Variants in SPAG16 observed in about 807,000 individuals in gnomAD.
SPAG16 encodes the protein sperm associated antigen 16.
Under a neutral mutation model 80.4 loss-of-function variants are expected in SPAG16, and 86 were observed. The observed-to-expected ratio is 1.07, with a 90% CI of 0.90 to 1.28. The LOEUF (loss-of-function observed/expected upper bound fraction) is 1.28. SPAG16 is among the 50% of genes most tolerant of loss of function. The pLI, the probability that SPAG16 is intolerant of heterozygous loss-of-function variation, is 0.00. For synonymous variants in SPAG16, 294 were observed against 265.9 expected (o/e 1.11, Z -1.03); for missense variants, 870 against 765.3 (o/e 1.14, Z -1.61).
intron 6 of SPAG16, 140 bp downstream of exon 6, chr2:213,340,410 C>G (rs1197824210): frequency 1.6e-6 from 1 of 638,118 alleles, no homozygotes; most frequent in African/African-American, 1.9e-5. Flanking sequence ...CCCTTGCTGT[C>G]AAGGGTCTCA....
intron 15 of SPAG16, among the ~76,000 whole-genome samples, chr2:214,252,251 A>T (rs1237975972): frequency 6.6e-6 from 1 of 151,890 alleles, no homozygotes; most frequent in Non-Finnish European, 1.5e-5. Context: ...TGAAATAGAA[A>T]TATTCCTTTT....
intron 7 of SPAG16, among the ~76,000 whole-genome samples, chr2:213,358,121 G>C (rs1440071320): frequency 2.0e-5 from 3 of 152,180 alleles, no homozygotes; most frequent in Non-Finnish European, 4.4e-5. Flanking sequence ...TCTGCCGAGA[G>C]ATCTGCTGTT....
At chr2:213,924,968 T>C (rs561058141) in intron 11 of SPAG16, among the ~76,000 whole-genome samples, 1 of 152,248 alleles carries the variant, frequency 6.6e-6, no homozygotes, top group South Asian at 2.1e-4. Flanking sequence ...TCTTACCCAT[T>C]TCTTTTTTTC....
At chr2:214,032,791 G>A (rs2048481369) in intron 13 of SPAG16, among the ~76,000 whole-genome samples, 1 of 152,214 alleles carries the variant, frequency 6.6e-6, no homozygotes, top group African/African-American at 2.4e-5. Context: ...CATACCAAGT[G>A]TTTCTGGCTT....
At chr2:214,103,406 G>A (rs1314185749) in intron 13 of SPAG16, among the ~76,000 whole-genome samples, 1 of 152,160 alleles carries the variant, frequency 6.6e-6, no homozygotes, top group Non-Finnish European at 1.5e-5. Flanking sequence ...CTGACCTCTA[G>A]TCTGGCTGTG....
intron 15 of SPAG16, among the ~76,000 whole-genome samples, chr2:214,315,315 T>C (rs1381705398): frequency 6.6e-6 from 1 of 152,168 alleles, no homozygotes; most frequent in Non-Finnish European, 1.5e-5. Context: ...TGTATTTAAC[T>C]GATTTAAATA....
At chr2:213,939,621 C>A (rs2106282690) in intron 12 of SPAG16, among the ~76,000 whole-genome samples, 1 of 152,274 alleles carries the variant, frequency 6.6e-6, no homozygotes, top group African/African-American at 2.4e-5. Flanking sequence ...GTACCTGTCA[C>A]ACATAAACCA....
chr2:213,510,024 G>T (rs539228065), intron 10 of SPAG16, among the ~76,000 whole-genome samples: 3 of 152,198 alleles, frequency 2.0e-5, no homozygotes, highest in African/African-American at 7.2e-5. Flanking sequence ...TACCATCAGA[G>T]AATACCATAA....
At chr2:213,635,311 A>C (rs2062320374) in intron 10 of SPAG16, among the ~76,000 whole-genome samples, 1 of 152,158 alleles carries the variant, frequency 6.6e-6, no homozygotes, top group South Asian at 2.1e-4. Context: ...CTCGGATTAC[A>C]GGCGTGAGCC....
intron 10 of SPAG16, among the ~76,000 whole-genome samples, chr2:213,530,244 T>C (rs958628105): frequency 1.3e-4 from 20 of 152,218 alleles, no homozygotes; most frequent in African/African-American, 4.3e-4. Context: ...TACATAATCA[T>C]CTATGTTATA....
At chr2:213,948,369 A>G (rs1467996731) in intron 12 of SPAG16, among the ~76,000 whole-genome samples, 1 of 152,206 alleles carries the variant, frequency 6.6e-6, no homozygotes, top group African/African-American at 2.4e-5. Context: ...AACAAATCCC[A>G]TCAAAATTTG....
At chr2:213,990,076 G>A (rs1312986902) in intron 12 of SPAG16, among the ~76,000 whole-genome samples, 1 of 152,056 alleles carries the variant, frequency 6.6e-6, no homozygotes, top group African/African-American at 2.4e-5. Context: ...CTAGAAAGGT[G>A]TCCAATCTAA....
At position 213,387,430 on chromosome 2, in the gene SPAG16, TC is replaced by T. The variant is rs138512810; in HGVS notation, c.942+12312del. 2.3e-4 allele frequency among the ~76,000 whole-genome samples: 13 copies of T among 57,734 alleles called. 1 individual carries two copies. Among genetic ancestry groups the T allele is most frequent in the Non-Finnish European group, 2.7e-4 (8 of 29,396 alleles). 37.9% of individuals were successfully genotyped at this position (57,734 alleles called of 152,430 possible). On this transcript the variant is annotated intron_variant, in intron 9 of 15. Transcript: ENST00000331683. ...TTTTGGGTTGGAATGAAATGCATGC[TC>T]TTTTTTTTTTTTTTTTTTTTTTTTT... is the stretch of plus-strand genomic sequence containing the variant.
chr2:213,841,583 T>G (rs1002365580), intron 10 of SPAG16, among the ~76,000 whole-genome samples: 1 of 152,208 alleles, frequency 6.6e-6, no homozygotes, highest in African/African-American at 2.4e-5. Flanking sequence ...TACTTGTTGA[T>G]GTATTTTAAA....
At chr2:213,305,635 A>G (rs955180115) in intron 3 of SPAG16, among the ~76,000 whole-genome samples, 5 of 152,102 alleles carry the variant, frequency 3.3e-5, no homozygotes, top group African/African-American at 1.2e-4. Context: ...TTTGATCTTC[A>G]TTCTTTTGTT....
chr2:213,296,569 T>C (rs897319759), intron 2 of SPAG16, among the ~76,000 whole-genome samples: 2 of 152,210 alleles, frequency 1.3e-5, no homozygotes, highest in Admixed American at 1.3e-4. Context: ...TCCCGAGACC[T>C]ATCATTACTT....
At chr2:213,804,256 C>T (rs2071601034) in intron 10 of SPAG16, among the ~76,000 whole-genome samples, 1 of 152,118 alleles carries the variant, frequency 6.6e-6, no homozygotes, top group Non-Finnish European at 1.5e-5. Context: ...GAAGGAAGTA[C>T]ATGGTGCCAC....
intron 15 of SPAG16, among the ~76,000 whole-genome samples, chr2:214,357,309 A>G (rs1694192929): frequency 6.6e-6 from 1 of 151,888 alleles, no homozygotes; most frequent in African/African-American, 2.4e-5. Flanking sequence ...TCCATATCCT[A>G]TGATCTCCTA....
chr2:213,479,296 T>C (rs1003269827), intron 9 of SPAG16, among the ~76,000 whole-genome samples: 2 of 152,048 alleles, frequency 1.3e-5, no homozygotes, highest in Admixed American at 6.6e-5. Flanking sequence ...TCATACATCA[T>C]GCCCCAAAAA....
Sources: gnomAD v4.1 joint callset for allele counts (sites outside exome capture counted in the v4.1 genomes callset) on GRCh38, gnomAD v4.1.1 for gene constraint, MANE v1.5 for transcripts, NCBI Gene and HGNC (gene_info 2026-07-23, HGNC 2026-07-21) for gene names.